Variants in DNAH7 observed in about 807,000 individuals in gnomAD.
DNAH7 encodes axonemal beta dynein heavy chain 7.
In DNAH7, 397 loss-of-function variants were observed where a neutral mutation model predicts 444.6. The ratio of observed to expected loss-of-function variants is 0.89; its 90% confidence interval spans 0.82 to 0.97. The LOEUF (loss-of-function observed/expected upper bound fraction) is 0.97, where lower values mean the gene tolerates loss of function less well. Ranked by LOEUF, DNAH7 falls within the 50% of genes least tolerant of loss-of-function variation. The pLI is 0.00. For missense variants in DNAH7, 4,902 were observed against 4,800.8 expected, an observed-to-expected ratio of 1.02 and a Z score of -0.62; for synonymous variants, 1,636 against 1,624.4, an observed-to-expected ratio of 1.01 and a Z score of -0.17.
At chr2:195,876,025 C>T (rs1041188978) in intron 37 of DNAH7, among the ~76,000 whole-genome samples, 182 bp from the exon 38 acceptor site, 1 of 152,090 alleles carries the variant, frequency 6.6e-6, no homozygotes, top group African/African-American at 2.4e-5. Flanking sequence ...ATTCATATTC[C>T]TTAAGAAATA....
At chr2:195,997,268 T>C (rs1693753748) in intron 12 of DNAH7, among the ~76,000 whole-genome samples, 1 of 152,166 alleles carries the variant, frequency 6.6e-6, no homozygotes, top group South Asian at 2.1e-4. Context: ...ATCCCAGCAC[T>C]TTGGGAGGCC....
Position 195,875,292 on chromosome 2 carries a change from GAAGA to G in DNAH7, c.6286+379_6286+382del, listed in dbSNP as rs1406602245. ...TGAAGCATTAAGGAATGACACAGAG[GAAGA>G]TGAGATGCCCCAGGACGATGTGAGT... On this transcript the variant is annotated intron_variant, in intron 38 of 64. Transcript: ENST00000312428. 3.3e-5 allele frequency among the ~76,000 whole-genome samples: 5 copies of G among 152,324 alleles called. No homozygotes were observed. The East Asian group carries it at 9.6e-4, about 29-fold the overall frequency.
chr2:196,062,671 C>T (rs1398438989), intron 1 of DNAH7, among the ~76,000 whole-genome samples: 4 of 152,140 alleles, frequency 2.6e-5, no homozygotes, highest in Non-Finnish European at 4.4e-5. Context: ...GGGACACTAT[C>T]GCCCCTACGA....
At chr2:195,825,125 A>C (rs1328095890) in intron 48 of DNAH7, 1 of 152,268 alleles carries the variant, frequency 6.6e-6, no homozygotes, top group African/African-American at 2.4e-5. Flanking sequence ...AAGAAAACAC[A>C]AGAATTAGCC....
At chr2:195,821,254 T>A (rs1251736208) in intron 49 of DNAH7, among the ~76,000 whole-genome samples, 2 of 152,206 alleles carry the variant, frequency 1.3e-5, no homozygotes, top group Non-Finnish European at 2.9e-5. Flanking sequence ...TTTGCCTGAT[T>A]TATAAATTGT....
At chr2:195,790,542 C>T (rs1246783420) in intron 57 of DNAH7, among the ~76,000 whole-genome samples, 1 of 151,200 alleles carries the variant, frequency 6.6e-6, no homozygotes, top group Admixed American at 6.6e-5. Flanking sequence ...AGCTGCACAC[C>T]TACAGCCATC....
intron 47 of DNAH7, among the ~76,000 whole-genome samples, chr2:195,842,473 C>T (rs927195706): frequency 5.3e-5 from 8 of 152,024 alleles, no homozygotes; most frequent in Non-Finnish European, 1.0e-4. Flanking sequence ...GAGGGCACTG[C>T]ACAGGTAAAG....
At chr2:196,028,971 C>A (rs796894776) in intron 5 of DNAH7, among the ~76,000 whole-genome samples, 4 of 152,118 alleles carry the variant, frequency 2.6e-5, no homozygotes, top group African/African-American at 9.7e-5. Context: ...ATTAAATGGA[C>A]AAGATAAAAG....
intron 19 of DNAH7, among the ~76,000 whole-genome samples, chr2:195,943,834 A>G (rs1689625691): frequency 6.6e-6 from 1 of 152,180 alleles, no homozygotes; most frequent in South Asian, 2.1e-4. Context: ...CTCACTGTGC[A>G]CATAGTGGCA....
intron 10 of DNAH7, among the ~76,000 whole-genome samples, chr2:196,009,188 T>G (rs565503179): frequency 6.6e-6 from 1 of 152,192 alleles, no homozygotes; most frequent in South Asian, 2.1e-4. Context: ...ACACTAGGGA[T>G]TACGTTTCAA....
intron 12 of DNAH7, chr2:195,995,043 C>T (rs1693603614): frequency 7.8e-6 from 2 of 256,048 alleles, no homozygotes; most frequent in Non-Finnish European, 7.6e-6. Flanking sequence ...GATTCTCCTG[C>T]CTCAGCCTCC....
At chr2:195,829,606 A>G (rs955026779) in intron 48 of DNAH7, among the ~76,000 whole-genome samples, 3 of 152,092 alleles carry the variant, frequency 2.0e-5, no homozygotes, top group African/African-American at 7.2e-5. Context: ...ACATTTATCA[A>G]TATTAATTTT....
chr2:196,028,399 G>A (rs1695825190), intron 5 of DNAH7, among the ~76,000 whole-genome samples: 1 of 152,090 alleles, frequency 6.6e-6, no homozygotes, highest in African/African-American at 2.4e-5. Context: ...GTTATTTATA[G>A]ATATGAGTTT....
intron 49 of DNAH7, 72 bp downstream of exon 49, chr2:195,824,183 T>C: frequency 7.3e-7 from 1 of 1,369,052 alleles, no homozygotes; most frequent in Non-Finnish European, 9.8e-7. Context: ...CTTGTTCTTC[T>C]TATGACTCAG....
chr2:196,027,811 C>T, intron 6 of DNAH7, 149 bp downstream of exon 6: 1 of 589,378 alleles, frequency 1.7e-6, no homozygotes, highest in South Asian at 4.2e-5. Context: ...TCTACAAATC[C>T]CATGGTGCCT....
intron 60 of DNAH7, among the ~76,000 whole-genome samples, chr2:195,772,194 C>A (rs1694871769): frequency 6.6e-6 from 1 of 152,110 alleles, no homozygotes; most frequent in African/African-American, 2.4e-5. Flanking sequence ...GCAGATGCTG[C>A]AGATAGTGGA....
intron 7 of DNAH7, among the ~76,000 whole-genome samples, chr2:196,025,794 C>T (rs963641986): frequency 4.6e-5 from 7 of 152,140 alleles, no homozygotes; most frequent in African/African-American, 7.2e-5. Context: ...CCAGGATACT[C>T]CATAGAAGTC....
intron 30 of DNAH7, chr2:195,894,746 T>C (rs1436537255): frequency 6.4e-6 from 2 of 313,842 alleles, no homozygotes; most frequent in Admixed American, 4.8e-5. Flanking sequence ...ATTACTTTAA[T>C]AATTTTTTTA....
chr2:195,784,123 C>A (rs1695507054), intron 58 of DNAH7, among the ~76,000 whole-genome samples: 1 of 152,158 alleles, frequency 6.6e-6, no homozygotes, highest in Non-Finnish European at 1.5e-5. Context: ...CCACAGCTGA[C>A]ATTAGGGTTC....
Sources: gnomAD v4.1 joint callset for allele counts (sites outside exome capture counted in the v4.1 genomes callset) on GRCh38, gnomAD v4.1.1 for gene constraint, MANE v1.5 for transcripts, NCBI Gene and HGNC (gene_info 2026-07-23, HGNC 2026-07-21) for gene names.